Variants in CLASP2 observed in about 807,000 individuals in gnomAD.
CLASP2 encodes the protein CLIP-associating protein 2.
In CLASP2, 47 loss-of-function variants were observed where a neutral mutation model predicts 194.4. That is an observed-to-expected ratio of 0.24 (90% confidence interval 0.19 to 0.31). The LOEUF is 0.31. Among genes scored for constraint, CLASP2 ranks in the 10% least tolerant of loss-of-function variants. CLASP2 has a pLI of 1.00. For missense variants in CLASP2, 1,445 were observed against 1,823.6 expected (o/e 0.79, Z 3.78); for synonymous variants, 619 against 633.5 (o/e 0.98, Z 0.34).
intron 1 of CLASP2, among the ~76,000 whole-genome samples, chr3:33,704,623 C>T (rs576565815): frequency 6.7e-4 from 102 of 152,066 alleles, no homozygotes; most frequent in Admixed American, 1.3e-3. Context: ...CATGGTGGCA[C>T]GCGCCTGTAG....
intron 9 of CLASP2, among the ~76,000 whole-genome samples, chr3:33,631,951 T>C (rs569699176): frequency 2.0e-5 from 3 of 152,328 alleles, no homozygotes; most frequent in African/African-American, 4.8e-5. Context: ...CTCTTATTTA[T>C]GCATGTGTCC....
intron 16 of CLASP2, among the ~76,000 whole-genome samples, chr3:33,605,699 A>G (rs1003426445): frequency 2.0e-5 from 3 of 151,902 alleles, no homozygotes; most frequent in African/African-American, 7.3e-5. Context: ...GCTCACTGCA[A>G]CCTCCACCTC....
intron 23 of CLASP2, among the ~76,000 whole-genome samples, chr3:33,580,060 A>C (rs549967278): frequency 1.3e-5 from 2 of 152,290 alleles, no homozygotes; most frequent in East Asian, 3.9e-4. Context: ...TGCCACACAC[A>C]GCCTTAGTGA....
rs557580057 is a variant in CLASP2 at position 33,511,327 on chromosome 3, G to A, written c.4111-563C>T. ...AGTGCTGGGATTACAAATGTGAGCT[G>A]CCGTGAGCGGCCTTAAAGTAGTTTT... On this transcript the variant is annotated intron_variant, in intron 36 of 38. Coordinates refer to ENST00000682230, the MANE Select transcript of CLASP2 (RefSeq NM_001365631.1). 7.9e-5 allele frequency among the ~76,000 whole-genome samples: 12 copies of A among 152,148 alleles called. No homozygotes were observed. The East Asian group carries it at 1.9e-3, about 25-fold the overall frequency.
Position 33,510,594 on chromosome 3 carries a change from G to T in CLASP2, c.4281C>A (p.Asn1427Lys). Residue 1427 changes from asparagine to lysine, a missense_variant, in exon 37 of 39, where the codon AAC becomes AAA. Around this residue, in one of 4 missense-constraint regions of CLASP2, gnomAD observed 732 missense variants for 987.9 expected, o/e 0.74. Transcript: ENST00000682230. Reference sequence around the variant, plus strand: ...CTGGCATAATCTCTGGCAAAAGCAGGTTTAGGGTTTCCTTGGACACTCTCT... The same window carrying T: ...CTGGCATAATCTCTGGCAAAAGCAGTTTTAGGGTTTCCTTGGACACTCTCT... ...VIERVSKETL[N>K]LLLPEIMPGL... 8 of 1,613,888 alleles carry T rather than the reference G, an allele frequency of 5.0e-6. No homozygotes were observed. The highest frequency in any genetic ancestry group is 6.8e-6 in the Non-Finnish European group (8 of 1,179,858).
At chr3:33,680,106 A>G (rs1370980866) in intron 6 of CLASP2, among the ~76,000 whole-genome samples, 1 of 152,214 alleles carries the variant, frequency 6.6e-6, no homozygotes, top group Admixed American at 6.5e-5. Context: ...ATGTATTATG[A>G]AGTGAAAGAA....
intron 23 of CLASP2, 107 bp from the exon 24 acceptor site, chr3:33,576,382 G>C: frequency 1.4e-6 from 1 of 717,248 alleles, no homozygotes; most frequent in South Asian, 2.1e-5. Context: ...AAACCAATGG[G>C]GCAAAGCATT....
intron 8 of CLASP2, among the ~76,000 whole-genome samples, chr3:33,635,029 A>G (rs2079857256): frequency 6.6e-6 from 1 of 151,986 alleles, no homozygotes; most frequent in African/African-American, 2.4e-5. Flanking sequence ...AGCCAGACAG[A>G]CTGCCTGAGC....
At chr3:33,665,007 A>C (rs1367920902) in intron 6 of CLASP2, among the ~76,000 whole-genome samples, 7 of 152,114 alleles carry the variant, frequency 4.6e-5, no homozygotes, top group African/African-American at 1.7e-4. Flanking sequence ...AGGCTGAGGC[A>C]CAAGAATCGC....
intron 15 of CLASP2, 64 bp downstream of exon 15, chr3:33,607,320 T>G: frequency 9.1e-7 from 1 of 1,098,110 alleles, no homozygotes; most frequent in Non-Finnish European, 1.3e-6. Flanking sequence ...ATATTTTCAT[T>G]CTCCTAATAC....
intron 1 of CLASP2, among the ~76,000 whole-genome samples, chr3:33,700,345 T>C (rs1196805487): frequency 1.3e-5 from 2 of 152,046 alleles, no homozygotes; most frequent in Non-Finnish European, 2.9e-5. Context: ...GAGAATCATC[T>C]GAACTTGGAA....
chr3:33,582,975 A>C (rs774895045), intron 22 of CLASP2, among the ~76,000 whole-genome samples: 8 of 152,234 alleles, frequency 5.3e-5, no homozygotes, highest in Non-Finnish European at 1.2e-4. Context: ...AGACATTCTC[A>C]GACAAGTAAG....
chr3:33,500,934 G>A (rs954660640), intron 38 of CLASP2, among the ~76,000 whole-genome samples: 1 of 151,848 alleles, frequency 6.6e-6, no homozygotes, highest in Non-Finnish European at 1.5e-5. Flanking sequence ...TTAGAGACAC[G>A]GTCTTCTCAG....
intron 1 of CLASP2, among the ~76,000 whole-genome samples, chr3:33,714,519 G>C (rs1378950853): frequency 6.6e-6 from 1 of 152,006 alleles, no homozygotes; most frequent in African/African-American, 2.4e-5. Flanking sequence ...GCTCAATCAA[G>C]GCAATTATCC....
intron 34 of CLASP2, among the ~76,000 whole-genome samples, chr3:33,526,712 T>C (rs1440556101): frequency 6.6e-6 from 1 of 152,148 alleles, no homozygotes. Context: ...TACTCTAAAA[T>C]TGCCCACATA....
intron 35 of CLASP2, among the ~76,000 whole-genome samples, chr3:33,516,728 A>G (rs1487242509): frequency 6.6e-6 from 1 of 152,196 alleles, no homozygotes; most frequent in Non-Finnish European, 1.5e-5. Context: ...ACTAATCTAA[A>G]TATGTAAAAC....
In CLASP2 at chr3:33,717,855, T is replaced by C; in HGVS notation, c.148A>G (p.Lys50Glu). The C allele has an allele frequency of 6.4e-7, 1 of 1,565,662 alleles. No homozygotes were observed. Among genetic ancestry groups the C allele is most frequent in the Non-Finnish European group, 8.7e-7 (1 of 1,155,786 alleles). ...DLEEDLGRLG[K>E]TVDALTGWVG... ...CAGCCGGTGAGCGCGTCGACTGTCT[T>C]GCCTAGGCGGCCCAGGTCCTCCTCC... is the stretch of plus-strand genomic sequence containing the variant. The change falls in exon 1 of 39, where the codon AAG (lysine) becomes GAG (glutamate). Residue 50 changes from lysine to glutamate, a missense_variant. Physicochemically the swap from Lys to Glu is moderately conservative, Grantham distance 56. Around this residue, in one of 4 missense-constraint regions of CLASP2, gnomAD observed 332 missense variants for 325.3 expected, o/e 1.02. Transcript: ENST00000682230.
intron 6 of CLASP2, among the ~76,000 whole-genome samples, chr3:33,673,788 C>T (rs945181025): frequency 3.3e-5 from 5 of 152,102 alleles, no homozygotes; most frequent in Non-Finnish European, 5.9e-5. Flanking sequence ...GCAGGGGTTG[C>T]AATCCTAGTC....
chr3:33,555,775 GCCA>G (rs1245680008), intron 29 of CLASP2, among the ~76,000 whole-genome samples: 3 of 152,232 alleles, frequency 2.0e-5, no homozygotes, highest in Non-Finnish European at 4.4e-5. Flanking sequence ...TTTATAATTT[GCCA>G]CCATCAATAA....
Sources: gnomAD v4.1 joint callset for allele counts (sites outside exome capture counted in the v4.1 genomes callset) on GRCh38, gnomAD v4.1.1 for gene constraint, gnomAD v4.1.1 regional missense constraint, MANE v1.5 for transcripts, NCBI Gene and HGNC (gene_info 2026-07-23, HGNC 2026-07-21) for gene names.